The following BACH2 variants were observed in gnomAD, a reference collection of about 807,000 sequenced individuals.
BACH2 encodes BACH transcriptional regulator 2, also known as transcription regulator protein BACH2.
A neutral mutation model predicts 61.8 loss-of-function variants in BACH2; 5 were observed. The ratio of observed to expected loss-of-function variants is 0.08; its 90% CI spans 0.04 to 0.17. The LOEUF (loss-of-function observed/expected upper bound fraction) is 0.17, where lower values mean the gene tolerates loss of function less well. BACH2 is among the 10% of genes least tolerant of loss of function. The pLI is 1.00. For missense variants in BACH2, 824 were observed against 1,091.1 expected, an observed-to-expected ratio of 0.76 and a Z score of 3.45; for synonymous variants, 446 against 440.1, an observed-to-expected ratio of 1.01 and a Z score of -0.17.
At chr6:90,029,016 A>G (rs6931936) in intron 5 of BACH2, among the ~76,000 whole-genome samples, 44,162 of 151,958 alleles carry the variant, frequency 0.29, 7,042 homozygotes, top group African/African-American at 0.42. Flanking sequence ...AACCATGCCA[A>G]TTTTCCCCAT....
At chr6:90,136,214 C>A (rs750765759) in intron 4 of BACH2, among the ~76,000 whole-genome samples, 3 of 152,182 alleles carry the variant, frequency 2.0e-5, no homozygotes, top group African/African-American at 7.2e-5. Flanking sequence ...TCCAGAGATA[C>A]CTACATAATT....
intron 3 of BACH2, among the ~76,000 whole-genome samples, chr6:90,247,821 G>A (rs372374783): frequency 6.6e-6 from 1 of 152,104 alleles, no homozygotes; most frequent in African/African-American, 2.4e-5. Context: ...TGTCAAAGTT[G>A]AACCCATTCT....
chr6:90,090,873 CT>C (rs1167341276), intron 4 of BACH2, among the ~76,000 whole-genome samples: 1 of 152,118 alleles, frequency 6.6e-6, no homozygotes, highest in Non-Finnish European at 1.5e-5. Context: ...ACATTTTGCT[CT>C]TCCTCAGGAT....
intron 5 of BACH2, among the ~76,000 whole-genome samples, chr6:90,056,442 C>T (rs1200840208): frequency 1.3e-5 from 2 of 152,036 alleles, no homozygotes; most frequent in African/African-American, 4.8e-5. Context: ...TATATATGCA[C>T]CCAATACAGC....
intron 6 of BACH2, chr6:90,001,098 C>T (rs76743097): frequency 2.6e-4 from 40 of 152,324 alleles, no homozygotes; most frequent in African/African-American, 9.6e-4. Context: ...TAGGATGTGA[C>T]TTATTGAGTC....
rs534365831 is a variant in BACH2, at chr6:90,193,320, C to T, written c.-162+13249G>A. The stretch of plus-strand genomic sequence containing the variant: ...ACTGGAAGAGAGTGTGCCCCTAATC[C>T]AATATGACTGGTGTCCTTATAAAAA... On this transcript the variant is annotated intron_variant, in intron 4 of 8. Coordinates refer to ENST00000257749, the MANE Select transcript of BACH2 (RefSeq NM_021813.4). Among the ~76,000 whole-genome samples the T allele has an allele frequency of 5.3e-5, 8 of 152,068 alleles. No individual in the cohort carries two copies. In the South Asian group the frequency reaches 1.7e-3, roughly 32 times the overall value.
chr6:90,227,952 C>T (rs1769969755), intron 3 of BACH2, among the ~76,000 whole-genome samples: 1 of 152,198 alleles, frequency 6.6e-6, no homozygotes. Context: ...TAGTGGCCTG[C>T]AACACTCCAT....
At chr6:90,126,130 G>A (rs1035723582) in intron 4 of BACH2, among the ~76,000 whole-genome samples, 4 of 152,186 alleles carry the variant, frequency 2.6e-5, no homozygotes, top group Non-Finnish European at 4.4e-5. Flanking sequence ...GAACAAGCAG[G>A]TCCCATTACA....
chr6:90,286,498 G>A (rs917012079), intron 1 of BACH2, among the ~76,000 whole-genome samples: 1 of 152,134 alleles, frequency 6.6e-6, no homozygotes, highest in Admixed American at 6.5e-5. Flanking sequence ...TTGATAGTCC[G>A]TGAAAATGTC....
At chr6:90,244,756 C>T (rs1004589534) in intron 3 of BACH2, among the ~76,000 whole-genome samples, 1 of 152,194 alleles carries the variant, frequency 6.6e-6, no homozygotes, top group Non-Finnish European at 1.5e-5. Flanking sequence ...TTGACTCCTC[C>T]CTAAAAGCTG....
chr6:90,219,208 C>A (rs923286472), intron 3 of BACH2, among the ~76,000 whole-genome samples: 4 of 152,164 alleles, frequency 2.6e-5, no homozygotes, highest in Non-Finnish European at 5.9e-5. Context: ...TAAGTGTATG[C>A]CCAGCGCCTG....
chr6:90,083,407 C>G (rs1158112222), intron 5 of BACH2, among the ~76,000 whole-genome samples: 1 of 152,144 alleles, frequency 6.6e-6, no homozygotes, highest in African/African-American at 2.4e-5. Flanking sequence ...AACATCACTC[C>G]TCTCTGTACC....
intron 6 of BACH2, among the ~76,000 whole-genome samples, chr6:89,968,690 T>G (rs1435562624): frequency 6.6e-6 from 1 of 152,198 alleles, no homozygotes. Context: ...GAAGTGAACT[T>G]GAAAGAAGCA....
chr6:90,058,955 C>G (rs1435267360), intron 5 of BACH2, among the ~76,000 whole-genome samples: 1 of 152,176 alleles, frequency 6.6e-6, no homozygotes, highest in African/African-American at 2.4e-5. Flanking sequence ...CTTCCTTACA[C>G]CTTATACAAA....
chr6:90,184,879 G>A (rs953941828), intron 4 of BACH2, among the ~76,000 whole-genome samples: 1 of 152,194 alleles, frequency 6.6e-6, no homozygotes, highest in Non-Finnish European at 1.5e-5. Context: ...CAATACTTGC[G>A]CCATTACTTC....
At chr6:90,282,727 C>T (rs1418245897) in intron 1 of BACH2, among the ~76,000 whole-genome samples, 7 of 151,992 alleles carry the variant, frequency 4.6e-5, no homozygotes. Context: ...TCATCACAGT[C>T]TTCCACAATG....
At chr6:89,954,447 C>G (rs550503089) in intron 6 of BACH2, among the ~76,000 whole-genome samples, 3 of 91,808 alleles carry the variant, frequency 3.3e-5, no homozygotes, top group African/African-American at 8.7e-5. Context: ...TATCCCTCCC[C>G]CCTCCCCCCA....
intron 7 of BACH2, among the ~76,000 whole-genome samples, chr6:89,939,466 TAA>T (rs1241828800): frequency 6.6e-6 from 1 of 152,200 alleles, no homozygotes; most frequent in Non-Finnish European, 1.5e-5. Context: ...TTTAGGTCAT[TAA>T]GTTTTGGGGT....
chr6:90,243,724 A>T (rs1770534499), intron 3 of BACH2, among the ~76,000 whole-genome samples: 1 of 152,198 alleles, frequency 6.6e-6, no homozygotes, highest in South Asian at 2.1e-4. Context: ...GATCCAAAAA[A>T]GCTAGCATCC....
Sources: allele counts gnomAD v4.1 joint callset (sites outside exome capture counted in the v4.1 genomes callset), GRCh38; gene constraint gnomAD v4.1.1; transcripts MANE v1.5; gene names NCBI Gene and HGNC (gene_info 2026-07-23, HGNC 2026-07-21).